AVL9: variants seen among roughly 807,000 people sequenced by gnomAD.
The protein encoded by AVL9 is AVL9 cell migration associated.
Under a neutral mutation model 79.2 loss-of-function variants are expected in AVL9, and 49 were observed. That is an observed-to-expected ratio of 0.62 (90% confidence interval 0.49 to 0.79). AVL9 has a LOEUF of 0.79. AVL9 is among the 30% of genes least tolerant of loss of function. The pLI, the probability that AVL9 is intolerant of heterozygous loss-of-function variation, is 0.00. For synonymous variants in AVL9, 299 were observed against 280.6 expected (o/e 1.07, Z -0.65); for missense variants, 682 against 776.8 (o/e 0.88, Z 1.45).
rs1185553909 is a variant in AVL9 at position 32,503,373 on chromosome 7, T to TACACACAC, written c.93+7597_93+7604dup. ...ATAGATATAGAGAGATATATATATA[T>TACACACAC]ACACACACACACACACACACACACA... On this transcript the variant is annotated intron_variant, in intron 1 of 15. Coordinates refer to ENST00000318709, the MANE Select transcript of AVL9 (RefSeq NM_015060.3). Among the ~76,000 whole-genome samples the TACACACAC allele has an allele frequency of 1.9e-3, 202 of 105,802 alleles. 5 individuals are homozygous for TACACACAC. Among genetic ancestry groups the TACACACAC allele is most frequent in the African/African-American group, 6.7e-3 (189 of 28,232 alleles). 69.4% of individuals were successfully genotyped at this position (105,802 alleles called of 152,430 possible). A position where few individuals can be genotyped will look rare whatever the true frequency, so the allele number is the denominator to read the frequency against.
At chr7:32,557,834 A>G (rs968457472) in intron 8 of AVL9, among the ~76,000 whole-genome samples, 4 of 141,586 alleles carry the variant, frequency 2.8e-5, no homozygotes, top group African/African-American at 1.1e-4. Flanking sequence ...TAGTACTTCT[A>G]TGTTTATTAG....
chr7:32,496,492 A>G (rs1248796191), intron 1 of AVL9, among the ~76,000 whole-genome samples: 1 of 152,246 alleles, frequency 6.6e-6, no homozygotes, highest in East Asian at 1.9e-4. Context: ...GGCGTTTTTC[A>G]GCAGCCTCAC....
At chr7:32,576,653 G>A (rs1357067262) in intron 13 of AVL9, among the ~76,000 whole-genome samples, 2 of 152,166 alleles carry the variant, frequency 1.3e-5, no homozygotes, top group East Asian at 3.8e-4. Flanking sequence ...AGACGTGGTA[G>A]TGGGCGCCTG....
intron 1 of AVL9, chr7:32,534,801 A>T (rs933781535): frequency 1.3e-5 from 2 of 152,176 alleles, no homozygotes; most frequent in African/African-American, 4.8e-5. Context: ...TATAAAAATT[A>T]GCCAGGTGTG....
rs1554343042 is a variant in AVL9 at position 32,556,519 on chromosome 7, A to AAATGAATGAATGAATG, written c.609+1933_609+1948dup. Among the ~76,000 whole-genome samples the AAATGAATGAATGAATG allele has an allele frequency of 4.0e-4, 60 of 149,578 alleles. No individual in the cohort carries two copies. In the East Asian group the frequency reaches 7.3e-3, roughly 18 times the overall value. ...ACAGAGCGAGACTCCATCTCAAAGT[A>AAATGAATGAATGAATG]AATGAATGAATGAATGAATGAATGA... On this transcript the variant is annotated intron_variant, in intron 8 of 15. Coordinates refer to ENST00000318709, the MANE Select transcript of AVL9 (RefSeq NM_015060.3).
chr7:32,537,458 G>GTTTTTTT (rs61499262), intron 1 of AVL9: 6 of 82,104 alleles, frequency 7.3e-5, no homozygotes, highest in African/African-American at 2.2e-4. Flanking sequence ...TTAGAAAGGA[G>GTTTTTTT]TTTTTTTTTT....
At chr7:32,578,450 A>G (rs1308724586) in intron 13 of AVL9, among the ~76,000 whole-genome samples, 1 of 152,194 alleles carries the variant, frequency 6.6e-6, no homozygotes, top group Non-Finnish European at 1.5e-5. Flanking sequence ...AAAGAAGTAT[A>G]TTTTGGGGTG....
At chr7:32,548,144 C>CTCTCTTTTTTTTTTTTTTTTT (rs1227025763) in intron 3 of AVL9, among the ~76,000 whole-genome samples, 49 of 57,566 alleles carry the variant, frequency 8.5e-4, no homozygotes, top group African/African-American at 2.4e-3. Flanking sequence ...TTTGTCATCT[C>CTCTCTTTTTTTTTTTTTTTTT]TTTTTTCTTT....
chr7:32,556,478 C>T (rs930287703), intron 8 of AVL9, among the ~76,000 whole-genome samples: 4 of 151,484 alleles, frequency 2.6e-5, no homozygotes, highest in African/African-American at 9.7e-5. Context: ...CACACCACTG[C>T]ACTCTAGCCT....
chr7:32,500,241 T>C (rs148250634), intron 1 of AVL9, among the ~76,000 whole-genome samples: 1,538 of 152,302 alleles, frequency 0.01, 13 homozygotes, highest in Non-Finnish European at 0.012. Context: ...TTTCACATCC[T>C]CTCCAGCATC....
intron 1 of AVL9, among the ~76,000 whole-genome samples, chr7:32,531,371 T>C (rs962282117): frequency 4.2e-3 from 3 of 708 alleles, no homozygotes; most frequent in African/African-American, 0.016. Flanking sequence ...ACTGTGTATA[T>C]GCAGTTACAT....
chr7:32,551,536 A>T (rs1273529434), intron 5 of AVL9, 113 bp downstream of exon 5: 5 of 489,922 alleles, frequency 1.0e-5, no homozygotes, highest in Non-Finnish European at 1.8e-5. Context: ...AGACATTCTA[A>T]TGTGAAAACG....
chr7:32,544,230 G>T (rs1447805119), intron 2 of AVL9, among the ~76,000 whole-genome samples: 1 of 152,182 alleles, frequency 6.6e-6, no homozygotes, highest in African/African-American at 2.4e-5. Flanking sequence ...CTGAGAATGA[G>T]ATCATTCCCC....
At chr7:32,496,797 G>C (rs1562743981) in intron 1 of AVL9, among the ~76,000 whole-genome samples, 1 of 152,184 alleles carries the variant, frequency 6.6e-6, no homozygotes, top group Non-Finnish European at 1.5e-5. Context: ...TGATGGGAGT[G>C]AAAAAATCGT....
At chr7:32,553,403 C>T (rs1789919562) in intron 6 of AVL9, among the ~76,000 whole-genome samples, 2 of 152,148 alleles carry the variant, frequency 1.3e-5, no homozygotes, top group African/African-American at 4.8e-5. Context: ...TAGCTGTCTA[C>T]ATTTAGATTA....
chr7:32,553,848 C>A, intron 7 of AVL9, 81 bp downstream of exon 7: 1 of 978,950 alleles, frequency 1.0e-6, no homozygotes, highest in Non-Finnish European at 1.6e-6. Context: ...CATTTAACTG[C>A]CAAATTCAGT....
intron 3 of AVL9, among the ~76,000 whole-genome samples, chr7:32,545,402 C>T (rs1463203444): frequency 8.8e-6 from 1 of 113,578 alleles, no homozygotes; most frequent in African/African-American, 3.4e-5. Context: ...GGAGGAGTCT[C>T]ACTCTGTTGC....
At chr7:32,505,248 G>C (rs1173137849) in intron 1 of AVL9, among the ~76,000 whole-genome samples, 1 of 151,898 alleles carries the variant, frequency 6.6e-6, no homozygotes, top group Admixed American at 6.6e-5. Flanking sequence ...CGCTTCGGCT[G>C]GGCGTGGTGG....
intron 1 of AVL9, among the ~76,000 whole-genome samples, chr7:32,516,539 A>C (rs1326498984): frequency 6.6e-6 from 1 of 152,166 alleles, no homozygotes; most frequent in Admixed American, 6.5e-5. Context: ...GGGAGTGTCT[A>C]GTGGGTTGAC....
Sources: gnomAD v4.1 joint callset for allele counts (sites outside exome capture counted in the v4.1 genomes callset) on GRCh38, gnomAD v4.1.1 for gene constraint, MANE v1.5 for transcripts, NCBI Gene and HGNC (gene_info 2026-07-23, HGNC 2026-07-21) for gene names.